The following MAST4 variants were observed in gnomAD, a reference collection of about 807,000 sequenced individuals.
The protein encoded by MAST4 is microtubule associated serine/threonine kinase family member 4.
A neutral mutation model predicts 162.7 loss-of-function variants in MAST4; 89 were observed. The ratio of observed to expected loss-of-function variants is 0.55; its 90% CI spans 0.46 to 0.65. The LOEUF (loss-of-function observed/expected upper bound fraction) is 0.65, where lower values mean the gene tolerates loss of function less well. MAST4 is among the 30% of genes least tolerant of loss of function. MAST4 has a pLI of 0.00. For missense variants in MAST4, 3,153 were observed against 3,374.0 expected, an observed-to-expected ratio of 0.93 and a Z score of 1.62; for synonymous variants, 1,479 against 1,361.1, an observed-to-expected ratio of 1.09 and a Z score of -1.91.
intron 16 of MAST4, among the ~76,000 whole-genome samples, chr5:67,133,054 A>C (rs1186530967): frequency 6.6e-6 from 1 of 152,164 alleles, no homozygotes; most frequent in Non-Finnish European, 1.5e-5. Flanking sequence ...CTTAATGAGT[A>C]GAAATTTAAA....
chr5:66,793,009 A>G (rs1364020), intron 3 of MAST4, among the ~76,000 whole-genome samples: 7,448 of 152,290 alleles, frequency 0.049, 274 homozygotes, highest in South Asian at 0.13. Context: ...CGTGAGAGGT[A>G]TTAATATGTT....
intron 3 of MAST4, among the ~76,000 whole-genome samples, chr5:66,864,966 C>T (rs1267202899): frequency 1.4e-5 from 2 of 138,112 alleles, no homozygotes; most frequent in South Asian, 2.5e-4. Flanking sequence ...AAGTTAAAAC[C>T]GGTAGGATTT....
intron 3 of MAST4, among the ~76,000 whole-genome samples, chr5:66,856,301 TC>T (rs1759682138): frequency 6.6e-6 from 1 of 152,188 alleles, no homozygotes; most frequent in Non-Finnish European, 1.5e-5. Flanking sequence ...CCTCCCTGAC[TC>T]CCGATTGTGT....
chr5:66,748,155 T>C (rs780816604), intron 1 of MAST4, among the ~76,000 whole-genome samples: 1 of 152,244 alleles, frequency 6.6e-6, no homozygotes, highest in Middle Eastern at 3.4e-3. Flanking sequence ...GGATTTTCTC[T>C]AGATGTTCCT....
intron 3 of MAST4, among the ~76,000 whole-genome samples, chr5:66,860,404 G>T (rs1760012107): frequency 6.6e-6 from 1 of 152,040 alleles, no homozygotes; most frequent in African/African-American, 2.4e-5. Flanking sequence ...TGCTATCCTG[G>T]CATTTTATTT....
chr5:66,921,257 A>T (rs1314355099), intron 4 of MAST4, among the ~76,000 whole-genome samples: 1 of 152,126 alleles, frequency 6.6e-6, no homozygotes, highest in East Asian at 1.9e-4. Flanking sequence ...TTCTGTGCTG[A>T]CTAGAAAACA....
At chr5:67,136,241 C>G (rs1769626114) in intron 18 of MAST4, among the ~76,000 whole-genome samples, 1 of 152,118 alleles carries the variant, frequency 6.6e-6, no homozygotes, top group African/African-American at 2.4e-5. Context: ...CTTTTAATAA[C>G]TAGAGAGGCA....
chr5:66,946,576 T>C (rs1744052329), intron 4 of MAST4, among the ~76,000 whole-genome samples: 2 of 152,198 alleles, frequency 1.3e-5, no homozygotes, highest in South Asian at 4.1e-4. Context: ...TGCCCTTTTG[T>C]GCAGCTATTC....
At chr5:67,145,846 T>C (rs1771017717) in intron 23 of MAST4, among the ~76,000 whole-genome samples, 1 of 152,204 alleles carries the variant, frequency 6.6e-6, no homozygotes, top group South Asian at 2.1e-4. Flanking sequence ...GGTTTCTCTC[T>C]AGCATTGAAA....
intron 5 of MAST4, among the ~76,000 whole-genome samples, chr5:67,077,866 G>A (rs940506537): frequency 4.6e-5 from 7 of 152,150 alleles, no homozygotes; most frequent in Admixed American, 3.9e-4. Flanking sequence ...TTGGGAGGCC[G>A]AGATGGGTGG....
chr5:67,086,436 C>T (rs1014665355), intron 5 of MAST4, among the ~76,000 whole-genome samples: 1 of 152,178 alleles, frequency 6.6e-6, no homozygotes, highest in Non-Finnish European at 1.5e-5. Context: ...ATGAGGCACC[C>T]TGTGTAGTGC....
intron 3 of MAST4, 147 bp from the exon 4 acceptor site, chr5:66,899,804 A>G: frequency 1.7e-6 from 1 of 593,870 alleles, no homozygotes; most frequent in Non-Finnish European, 2.7e-6. Flanking sequence ...GATCCAGCAT[A>G]AAATTATGAC....
chr5:66,716,387 C>T (rs887092647), intron 1 of MAST4, among the ~76,000 whole-genome samples: 1 of 152,050 alleles, frequency 6.6e-6, no homozygotes, highest in African/African-American at 2.4e-5. Context: ...GGGTCTTACT[C>T]GGTTGCCCAG....
intron 3 of MAST4, among the ~76,000 whole-genome samples, chr5:66,808,457 T>A (rs975045208): frequency 6.6e-6 from 1 of 152,192 alleles, no homozygotes; most frequent in Non-Finnish European, 1.5e-5. Flanking sequence ...ATACTTTATA[T>A]TTAAAGATAA....
chr5:67,161,196 G>A (rs1053877670), intron 27 of MAST4, among the ~76,000 whole-genome samples: 1 of 152,176 alleles, frequency 6.6e-6, no homozygotes, highest in Non-Finnish European at 1.5e-5. Flanking sequence ...CTCTCTGGGT[G>A]TGCCTCCTTT....
intron 4 of MAST4, among the ~76,000 whole-genome samples, chr5:67,042,124 G>C (rs905781778): frequency 6.6e-6 from 1 of 152,182 alleles, no homozygotes; most frequent in African/African-American, 2.4e-5. Context: ...CACATAAGAA[G>C]TAGTCAAGTA....
In MAST4 at chr5:67,144,813, T is replaced by A; in HGVS notation, c.2858+17T>A. The A allele has an allele frequency of 6.3e-7, 1 of 1,582,116 alleles. No homozygotes were observed. The highest frequency in any genetic ancestry group is 8.6e-7 in the Non-Finnish European group (1 of 1,163,176). On this transcript the variant is annotated intron_variant, in intron 22 of 28. Coordinates refer to ENST00000403625, the MANE Select transcript of MAST4 (RefSeq NM_001164664.2). ...TTCTGAAATGTATGTGAAATGCCTC[T>A]TAAGTAATATAAGCAGTAGCTACTA...
chr5:66,681,924 G>T (rs987476451), intron 1 of MAST4, among the ~76,000 whole-genome samples: 6 of 151,518 alleles, frequency 4.0e-5, no homozygotes, highest in Admixed American at 2.0e-4. Context: ...GGGCTTATTT[G>T]GGGGGTGGGT....
chr5:67,114,405 A>G, intron 12 of MAST4, 186 bp downstream of exon 12: 1 of 625,368 alleles, frequency 1.6e-6, no homozygotes, highest in Non-Finnish European at 2.6e-6. Flanking sequence ...ACGAATGAGC[A>G]TGACCCATTT....
Sources: gnomAD v4.1 joint callset for allele counts (sites outside exome capture counted in the v4.1 genomes callset) on GRCh38, gnomAD v4.1.1 for gene constraint, MANE v1.5 for transcripts, NCBI Gene and HGNC (gene_info 2026-07-23, HGNC 2026-07-21) for gene names.